ANKRD30B: variants seen among roughly 807,000 people sequenced by gnomAD.
ANKRD30B encodes ankyrin repeat domain 30B.
A neutral mutation model predicts 202.2 loss-of-function variants in ANKRD30B; 144 were observed. The observed-to-expected ratio is 0.71, with a 90% CI of 0.62 to 0.82. ANKRD30B has a LOEUF of 0.82. Ranked by LOEUF, ANKRD30B falls within the 40% of genes least tolerant of loss-of-function variation. The pLI is 0.00. For missense variants in ANKRD30B, 1,487 were observed against 1,669.1 expected (o/e 0.89, Z 1.90); for synonymous variants, 508 against 561.3 (o/e 0.91, Z 1.34).
chr18:14,904,785 G>C, the ANKRD30B span, among the ~76,000 whole-genome samples: 1 of 152,184 alleles, frequency 6.6e-6, no homozygotes, highest in Non-Finnish European at 1.5e-5. Context: ...TTTTTATGGA[G>C]ACAAAAGTTA....
intron 9 of ANKRD30B, among the ~76,000 whole-genome samples, chr18:14,775,526 A>C (rs1346488688): frequency 6.6e-6 from 1 of 152,252 alleles, no homozygotes; most frequent in African/African-American, 2.4e-5. Context: ...TATCCAGTAT[A>C]GATCTGAAGG....
At chr18:14,751,669 A>G (rs1315193249) in intron 1 of ANKRD30B, among the ~76,000 whole-genome samples, 1 of 152,182 alleles carries the variant, frequency 6.6e-6, no homozygotes, top group Non-Finnish European at 1.5e-5. Flanking sequence ...TAGGGAATAA[A>G]ATGAGCCATA....
At position 14,828,262 on chromosome 18, in the gene ANKRD30B, C is replaced by CT. The variant is rs1970747110; in HGVS notation, c.2744-15dup. The CT allele has an allele frequency of 6.6e-7, 1 of 1,520,636 alleles. No individual in the cohort carries two copies. Among genetic ancestry groups the CT allele is most frequent in the African/African-American group, 1.4e-5 (1 of 71,246 alleles). The allele number at this position is 1,520,636 out of a possible 1,614,324, so 94.2% of individuals were successfully genotyped here. On this transcript the variant is annotated splice_polypyrimidine_tract_variant and intron_variant, in intron 32 of 43. Transcript: ENST00000690538. ...ATATTTGTTGATTTAATGTATTTTA[C>CT]TCTTTTCTTTAATAGAGGATGTGAG... is the stretch of plus-strand genomic sequence containing the variant.
At chr18:14,918,614 C>T in the ANKRD30B span, among the ~76,000 whole-genome samples, 8 of 152,080 alleles carry the variant, frequency 5.3e-5, no homozygotes, top group South Asian at 1.2e-3. Flanking sequence ...AATGAAGGCA[C>T]CCAGGGAATG....
the ANKRD30B span, among the ~76,000 whole-genome samples, chr18:14,936,697 C>G: frequency 6.6e-6 from 1 of 152,320 alleles, no homozygotes; most frequent in East Asian, 1.9e-4. Flanking sequence ...TCCATTCTTT[C>G]CTCAATCAAC....
the ANKRD30B span, among the ~76,000 whole-genome samples, chr18:14,882,932 CG>C: frequency 6.6e-5 from 10 of 152,134 alleles, no homozygotes; most frequent in Non-Finnish European, 1.5e-5. Flanking sequence ...TACTGCTGCT[CG>C]CTTTTGGTGT....
the ANKRD30B span, among the ~76,000 whole-genome samples, chr18:14,909,245 G>A: frequency 6.6e-6 from 1 of 152,196 alleles, no homozygotes; most frequent in Admixed American, 6.5e-5. Flanking sequence ...GGGTGTCCCT[G>A]TTTGAAGTTC....
chr18:14,851,584 A>C lies in ANKRD30B; in HGVS notation c.3640A>C (p.Lys1214Gln). ...GTTGAAAAAGGAAATTGCCATGCTA[A>C]AACTGGAAGTAGCCACACTGAAACA... Reference protein sequence around the residue: ...CMLKKEIAMLKLEVATLKHQH... With the variant: ...CMLKKEIAMLQLEVATLKHQH... Residue 1214 changes from lysine to glutamine, a missense_variant, in exon 42 of 44, where the codon AAA (lysine) becomes CAA (glutamine). By Grantham distance (53) the Lys-to-Gln change is moderately conservative. This residue lies in a region of ANKRD30B where 177 missense variants were observed against 216.4 expected (regional missense o/e 0.82). Transcript: ENST00000690538. 6.2e-7 allele frequency: 1 copy of C among 1,604,356 alleles called. No individual in the cohort carries two copies. The highest frequency in any genetic ancestry group is 8.5e-7 in the Non-Finnish European group (1 of 1,177,090).
At chr18:14,785,730 A>G (rs1968037848) in intron 14 of ANKRD30B, among the ~76,000 whole-genome samples, 1 of 152,206 alleles carries the variant, frequency 6.6e-6, no homozygotes, top group Non-Finnish European at 1.5e-5. Flanking sequence ...GACCCTCTGC[A>G]TGAAATGTGA....
intron 7 of ANKRD30B, among the ~76,000 whole-genome samples, chr18:14,767,213 C>G (rs1055781118): frequency 3.9e-5 from 6 of 151,986 alleles, no homozygotes; most frequent in African/African-American, 1.2e-4. Context: ...TTGTGTCTCT[C>G]TCTCACACAA....
intron 14 of ANKRD30B, among the ~76,000 whole-genome samples, chr18:14,786,744 C>A (rs1023716915): frequency 6.6e-6 from 1 of 152,210 alleles, no homozygotes; most frequent in African/African-American, 2.4e-5. Context: ...AAATATAGGA[C>A]ATACTGTGTT....
chr18:14,831,759 A>T (rs1362331985), intron 34 of ANKRD30B, among the ~76,000 whole-genome samples: 2 of 152,160 alleles, frequency 1.3e-5, no homozygotes, highest in African/African-American at 4.8e-5. Flanking sequence ...ATTAGAAAAA[A>T]CTTTTCCACA....
intron 30 of ANKRD30B, among the ~76,000 whole-genome samples, chr18:14,817,627 GT>G (rs1361780166): frequency 6.6e-6 from 1 of 152,110 alleles, no homozygotes; most frequent in Non-Finnish European, 1.5e-5. Context: ...AAATATTTTG[GT>G]TACATATTCA....
the ANKRD30B span, among the ~76,000 whole-genome samples, chr18:14,884,804 A>C: frequency 6.6e-6 from 1 of 152,132 alleles, no homozygotes; most frequent in Admixed American, 6.6e-5. Context: ...AGTCTTTTCA[A>C]CTCAAGAGAA....
At chr18:14,848,359 C>G (rs141659867) in intron 39 of ANKRD30B, among the ~76,000 whole-genome samples, 2,456 of 152,204 alleles carry the variant, frequency 0.016, 65 homozygotes, top group African/African-American at 0.056. Context: ...TTTCTTCCCC[C>G]CTTGCTCAAC....
chr18:14,808,607 A>G (rs1351959245), intron 25 of ANKRD30B, 28 bp downstream of exon 25: 2 of 1,574,968 alleles, frequency 1.3e-6, no homozygotes, highest in African/African-American at 2.7e-5. Context: ...TCTATGTTGA[A>G]TATTAACTAC....
the ANKRD30B span, among the ~76,000 whole-genome samples, chr18:14,880,566 G>GTTTTT: frequency 1.0e-3 from 131 of 128,742 alleles, 1 homozygote; most frequent in Middle Eastern, 4.1e-3. Flanking sequence ...TTCTTTCTTG[G>GTTTTT]TTTTTTTTTT....
chr18:14,796,126 C>A, intron 16 of ANKRD30B, 95 bp from the exon 17 acceptor site: 8 of 1,298,272 alleles, frequency 6.2e-6, no homozygotes, highest in Non-Finnish European at 8.9e-6. Context: ...TCAATCCAAG[C>A]ATGAGGATTC....
intron 24 of ANKRD30B, among the ~76,000 whole-genome samples, chr18:14,805,313 A>T (rs1969439887): frequency 6.6e-6 from 1 of 150,962 alleles, no homozygotes; most frequent in South Asian, 2.1e-4. Flanking sequence ...TAACCTAGAA[A>T]ATTTTGTTAA....
Sources: allele counts gnomAD v4.1 joint callset (sites outside exome capture counted in the v4.1 genomes callset), GRCh38; gene constraint gnomAD v4.1.1; regional missense constraint gnomAD v4.1.1; transcripts MANE v1.5; gene names NCBI Gene and HGNC (gene_info 2026-07-23, HGNC 2026-07-21).